GBF1: variants seen among roughly 807,000 people sequenced by gnomAD.
GBF1 encodes golgi brefeldin A resistant guanine nucleotide exchange factor 1, also known as Golgi-specific brefeldin A-resistance guanine nucleotide exchange factor 1.
In GBF1, 114 loss-of-function variants were observed where a neutral mutation model predicts 210.5. That is an observed-to-expected ratio of 0.54 (90% confidence interval 0.47 to 0.63). The LOEUF (loss-of-function observed/expected upper bound fraction) is 0.63. Among genes scored for constraint, GBF1 ranks in the 30% least tolerant of loss-of-function variants. The probability of loss-of-function intolerance (pLI) is 0.00; values close to 1 mark genes in which losing one functional copy is unlikely to be tolerated. For synonymous variants in GBF1, 850 were observed against 889.2 expected (o/e 0.96, Z 0.78); for missense variants, 1,851 against 2,357.7 (o/e 0.79, Z 4.45).
intron 3 of GBF1, among the ~76,000 whole-genome samples, chr10:102,302,230 G>A (rs896912388): frequency 2.6e-5 from 4 of 152,036 alleles, no homozygotes; most frequent in Non-Finnish European, 5.9e-5. Context: ...GTCCAGCTTC[G>A]GCTTGGCATC....
intron 3 of GBF1, among the ~76,000 whole-genome samples, chr10:102,314,737 T>G (rs2078785481): frequency 6.6e-6 from 1 of 152,230 alleles, no homozygotes; most frequent in Non-Finnish European, 1.5e-5. Flanking sequence ...CATAATTTCT[T>G]TGGTAAATAA....
intron 4 of GBF1, among the ~76,000 whole-genome samples, chr10:102,347,447 C>A (rs1193966206): frequency 6.6e-6 from 1 of 152,190 alleles, no homozygotes; most frequent in East Asian, 1.9e-4. Flanking sequence ...CAGTGGCTGC[C>A]GCTGCTGTGC....
At chr10:102,379,015 C>G (rs2060679367) in intron 33 of GBF1, among the ~76,000 whole-genome samples, 1 of 152,220 alleles carries the variant, frequency 6.6e-6, no homozygotes, top group African/African-American at 2.4e-5. Context: ...AAGTATCTTT[C>G]TCACTGTGAG....
intron 3 of GBF1, among the ~76,000 whole-genome samples, chr10:102,295,648 A>G (rs1016520626): frequency 6.6e-6 from 1 of 152,146 alleles, no homozygotes; most frequent in Non-Finnish European, 1.5e-5. Flanking sequence ...TGGGTTTGGG[A>G]TATTTGGGCG....
chr10:102,296,073 A>G (rs763658714), intron 3 of GBF1, among the ~76,000 whole-genome samples: 5 of 152,208 alleles, frequency 3.3e-5, no homozygotes, highest in Admixed American at 6.5e-5. Flanking sequence ...AAACACATCT[A>G]TGGACCAGCC....
In GBF1 at chr10:102,370,384, G is replaced by T; in HGVS notation, c.3412G>T (p.Ala1138Ser). The change falls in exon 28 of 40, where the codon GCT (alanine) becomes TCT (serine). Residue 1138 changes from alanine (A) to serine (S), a missense_variant and splice_region_variant. This residue lies in a region of GBF1 where 967 missense variants were observed against 1,247.7 expected (regional missense o/e 0.78). Coordinates refer to ENST00000369983, the MANE Select transcript of GBF1 (RefSeq NM_001377137.1). ...CTTTCCTGCTGCTGTTCCCCTTCAG[G>T]CTCTGGTCTCAGTGACACCAGATGA... ...QLESLQELMK[A>S]LVSVTPDEET... The T allele has an allele frequency of 6.2e-7, 1 of 1,603,474 alleles. No homozygotes were observed. The highest frequency in any genetic ancestry group is 1.1e-5 in the South Asian group (1 of 90,866).
At chr10:102,353,392 C>T (rs1181407435) in intron 7 of GBF1, among the ~76,000 whole-genome samples, 3 of 152,192 alleles carry the variant, frequency 2.0e-5, no homozygotes, top group Non-Finnish European at 4.4e-5. Flanking sequence ...CTCACAACTA[C>T]CTCCTTTTGT....
upstream of GBF1, among the ~76,000 whole-genome samples, chr10:102,242,706 A>G (rs1196929660): frequency 6.6e-6 from 1 of 151,972 alleles, no homozygotes; most frequent in Admixed American, 6.6e-5. Flanking sequence ...AGGCGGGCGG[A>G]TCACAAGGTC....
intron 21 of GBF1, among the ~76,000 whole-genome samples, chr10:102,367,977 G>C (rs954977668): frequency 2.0e-5 from 3 of 152,214 alleles, no homozygotes; most frequent in Non-Finnish European, 4.4e-5. Context: ...ATCACACCTA[G>C]TAAGAATGTG....
At chr10:102,322,703 G>A (rs943066888) in intron 3 of GBF1, among the ~76,000 whole-genome samples, 41 of 114,906 alleles carry the variant, frequency 3.6e-4, no homozygotes, top group African/African-American at 1.4e-3. Context: ...GCAACATAGT[G>A]AGATCTCATC....
chr10:102,273,518 G>T (rs1200009338), intron 3 of GBF1, among the ~76,000 whole-genome samples: 2 of 152,176 alleles, frequency 1.3e-5, no homozygotes. Context: ...TAGAAAGTTT[G>T]TGATGTACTC....
chr10:102,367,506 A>G lies in GBF1; in HGVS notation c.2588A>G (p.Asn863Ser). 6.2e-7 allele frequency: 1 copy of G among 1,611,506 alleles called. No individual in the cohort carries two copies. Among genetic ancestry groups the G allele is most frequent in the Non-Finnish European group, 8.5e-7 (1 of 1,177,586 alleles). Reference sequence around the variant, plus strand: ...TTTCGCAAAAATCTGAAAGGTGTGAATGGAGGCAAGGACTTTGAGCAAGAC... The same window carrying G: ...TTTCGCAAAAATCTGAAAGGTGTGAGTGGAGGCAAGGACTTTGAGCAAGAC... Reference protein sequence around the residue: ...EEFRKNLKGVNGGKDFEQDIL... With the variant: ...EEFRKNLKGVSGGKDFEQDIL... The change falls in exon 21 of 40, where the codon AAT (asparagine) becomes AGT (serine). Residue 863 changes from asparagine to serine, a missense_variant. Around this residue, in one of 3 missense-constraint regions of GBF1, gnomAD observed 80 missense variants for 151.4 expected, o/e 0.53. Coordinates refer to ENST00000369983, the MANE Select transcript of GBF1 (RefSeq NM_001377137.1).
chr10:102,359,395 TC>T lies in GBF1; in HGVS notation c.1144del (p.Arg382GlyfsTer46). On this transcript the variant is annotated frameshift_variant, in exon 11 of 40. Transcript: ENST00000369983. LOFTEE classifies it high-confidence loss of function. Reference protein sequence around the residue: ...ASVHDMDYVNPRGVRFTQSSQ... With the variant: ...ASVHDMDYVNXRGVRFTQSSQ... ...CTGTCCATGACATGGATTACGTCAA[TC>T]CCCGGGGCGTGCGCTTTACACAGTC... 6.2e-7 allele frequency: 1 copy of T among 1,613,898 alleles called. No homozygotes were observed. The highest frequency in any genetic ancestry group is 8.5e-7 in the Non-Finnish European group (1 of 1,179,854).
Position 102,361,064 on chromosome 10 carries a change from C to T in GBF1, c.1435C>T (p.Arg479Ter), listed in dbSNP as rs375518420. The T allele has an allele frequency of 1.1e-5, 17 of 1,606,912 alleles. No homozygotes were observed. The highest frequency in any genetic ancestry group is 1.3e-5 in the Non-Finnish European group (15 of 1,173,902). The change falls in exon 13 of 40, where the codon CGA becomes TGA. Residue 479 changes from arginine to a stop codon, truncating the protein, a stop_gained. Coordinates refer to ENST00000369983, the MANE Select transcript of GBF1 (RefSeq NM_001377137.1). LOFTEE classifies it high-confidence loss of function. ...ERLNLYAASLRVCFLLFESMR... is the reference protein window; with the variant it reads ...ERLNLYAASL ...ACTAAACCTTTATGCTGCTTCCCTGCGAGTATGCTTCCTACTGTTTGAGAG... is the reference window on the plus strand; with the variant it reads ...ACTAAACCTTTATGCTGCTTCCCTGTGAGTATGCTTCCTACTGTTTGAGAG...
At chr10:102,345,477 T>C (rs2058485115) in intron 4 of GBF1, among the ~76,000 whole-genome samples, 1 of 150,316 alleles carries the variant, frequency 6.7e-6, no homozygotes, top group Admixed American at 6.6e-5. Context: ...TGAAACCCCA[T>C]CTCTACTAAA....
Position 102,369,262 on chromosome 10 carries a change from G to A in GBF1, c.3025G>A (p.Ala1009Thr), listed in dbSNP as rs369082780. Residue 1009 changes from alanine (A) to threonine (T), a missense_variant, in exon 24 of 40, where the codon GCA becomes ACA. By Grantham distance (58) the Ala-to-Thr change is moderately conservative. This residue lies in a region of GBF1 where 967 missense variants were observed against 1,247.7 expected (regional missense o/e 0.78). Coordinates refer to ENST00000369983, the MANE Select transcript of GBF1 (RefSeq NM_001377137.1). The part of the protein sequence containing the change: ...VFGSNPKAHI[A>T]AKTVFHLAHR... ...TGGAAGCAACCCTAAAGCCCATATTGCAGCCAAGACAGTATTCCATTTGGC... is the reference window on the plus strand; with the variant it reads ...TGGAAGCAACCCTAAAGCCCATATTACAGCCAAGACAGTATTCCATTTGGC... 20 of 1,613,688 alleles carry A rather than the reference G, an allele frequency of 1.2e-5. No homozygotes were observed. The highest frequency in any genetic ancestry group is 1.7e-5 in the Non-Finnish European group (20 of 1,179,704).
chr10:102,334,480 C>T (rs968012879), intron 3 of GBF1, among the ~76,000 whole-genome samples: 50 of 152,272 alleles, frequency 3.3e-4, no homozygotes, highest in African/African-American at 1.1e-3. Flanking sequence ...AAGGGCAGTG[C>T]TTGAGGCCAC....
chr10:102,363,544 T>G lies in GBF1; in HGVS notation c.2017+148T>G. 1.1e-6 allele frequency: 1 copy of G among 872,492 alleles called. No homozygotes were observed. Among genetic ancestry groups the G allele is most frequent in the Non-Finnish European group, 1.8e-6 (1 of 542,766 alleles). 54.0% of individuals were successfully genotyped at this position (872,492 alleles called of 1,614,324 possible). A position where few individuals can be genotyped will look rare whatever the true frequency, so the allele number is the denominator to read the frequency against. ...ACTCAGAGAGAGGGAAGCAAACATATGGACCCTCAGTTGATAGGACTTCCA... is the reference window on the plus strand; with the variant it reads ...ACTCAGAGAGAGGGAAGCAAACATAGGGACCCTCAGTTGATAGGACTTCCA... On this transcript the variant is annotated intron_variant, in intron 16 of 39. Transcript: ENST00000369983. This position sits in a 1 kb window ranked among gnomAD's most constrained non-coding sequence, Gnocchi z 4.2.
chr10:102,261,439 A>G (rs758690819), intron 3 of GBF1, among the ~76,000 whole-genome samples: 3 of 152,134 alleles, frequency 2.0e-5, no homozygotes, highest in Non-Finnish European at 4.4e-5. Context: ...GGCTAGTGAC[A>G]TATGTCAGAC....
Sources: gnomAD v4.1 joint callset for allele counts (sites outside exome capture counted in the v4.1 genomes callset) on GRCh38, gnomAD v4.1.1 for gene constraint, gnomAD v4.1.1 regional missense constraint, Gnocchi (gnomAD v3.1) non-coding constraint, MANE v1.5 for transcripts, NCBI Gene and HGNC (gene_info 2026-07-23, HGNC 2026-07-21) for gene names.